Variants in SMARCD3 observed in about 807,000 individuals in gnomAD.
SMARCD3 encodes SWI/SNF-related matrix-associated actin-dependent regulator of chromatin subfamily D member 3.
Under a neutral mutation model 58.0 loss-of-function variants are expected in SMARCD3, and 14 were observed. The observed-to-expected ratio is 0.24, with a 90% CI of 0.16 to 0.38. The LOEUF is 0.38. Ranked by LOEUF, SMARCD3 falls within the 10% of genes least tolerant of loss-of-function variation. The pLI, the probability that SMARCD3 is intolerant of heterozygous loss-of-function variation, is 1.00. For missense variants in SMARCD3, 408 were observed against 636.9 expected, an observed-to-expected ratio of 0.64 and a Z score of 3.87; for synonymous variants, 253 against 253.8, an observed-to-expected ratio of 1.00 and a Z score of 0.03.
chr7:151,253,795 T>C (rs2150603428), intron 2 of SMARCD3, among the ~76,000 whole-genome samples: 2 of 150,990 alleles, frequency 1.3e-5, no homozygotes, highest in South Asian at 4.2e-4. Context: ...TCCTGAGGGG[T>C]GCTATAACTT....
At chr7:151,259,760 C>T (rs1395394050) in intron 2 of SMARCD3, among the ~76,000 whole-genome samples, 1 of 151,906 alleles carries the variant, frequency 6.6e-6, no homozygotes, top group Admixed American at 6.6e-5. Context: ...CAGGCATGCA[C>T]CACCATGCCC....
At chr7:151,271,897 T>G (rs1054341760) in intron 2 of SMARCD3, among the ~76,000 whole-genome samples, 1 of 152,158 alleles carries the variant, frequency 6.6e-6, no homozygotes, top group African/African-American at 2.4e-5. Context: ...AGTTGGAGGC[T>G]GCAGTGAGCC....
rs1803195355 is a variant in SMARCD3, at chr7:151,245,212, AG to A, written c.290+247del. The stretch of plus-strand genomic sequence containing the variant: ...TGAGCAGGTGACAAGGAGAAGGGTG[AG>A]GGGAGCGTGCAGGGAAGCGGTACCG... On this transcript the variant is annotated intron_variant, in intron 2 of 12. Transcript: ENST00000262188. The surrounding 1 kb of genome is among the most constrained non-coding windows in gnomAD (Gnocchi z 6.2). 5.2e-5 allele frequency among the ~76,000 whole-genome samples: 7 copies of A among 135,088 alleles called. No homozygotes were observed. In the South Asian group the frequency reaches 1.8e-3, roughly 34 times the overall value. 88.6% of individuals were successfully genotyped at this position (135,088 alleles called of 152,430 possible).
intron 2 of SMARCD3, among the ~76,000 whole-genome samples, chr7:151,256,235 A>G (rs1461417270): frequency 1.4e-5 from 2 of 143,202 alleles, no homozygotes; most frequent in South Asian, 2.2e-4. Flanking sequence ...AGGTGGCGCG[A>G]TCTCAGCTCA....
intron 2 of SMARCD3, among the ~76,000 whole-genome samples, chr7:151,253,833 G>GC (rs5888436): frequency 1 from 152,277 of 152,278 alleles, 76,138 homozygotes; most frequent in Non-Finnish European, 1. Flanking sequence ...GTGTGGCTCT[G>GC]CTGGCGGGCA....
intron 2 of SMARCD3, among the ~76,000 whole-genome samples, chr7:151,272,544 T>TCCAA (rs1231545427): frequency 6.6e-6 from 1 of 152,174 alleles, no homozygotes; most frequent in Non-Finnish European, 1.5e-5. Flanking sequence ...TGGGAGATGG[T>TCCAA]CCAAGTTTGT....
At chr7:151,255,362 C>T (rs142762787) in intron 2 of SMARCD3, among the ~76,000 whole-genome samples, 4 of 152,320 alleles carry the variant, frequency 2.6e-5, no homozygotes, top group African/African-American at 7.2e-5. Context: ...AGTGGCTCGA[C>T]CACTGGCCTA....
chr7:151,268,301 T>G (rs538393898), intron 2 of SMARCD3, among the ~76,000 whole-genome samples: 1 of 152,336 alleles, frequency 6.6e-6, no homozygotes, highest in East Asian at 1.9e-4. Context: ...ACCAGTCCAT[T>G]TAGAGACAAT....
At chr7:151,269,516 G>A (rs1402209424) in intron 2 of SMARCD3, among the ~76,000 whole-genome samples, 1 of 152,318 alleles carries the variant, frequency 6.6e-6, no homozygotes, top group East Asian at 1.9e-4. Context: ...GCATCAGGCT[G>A]GATGGGAGCT....
Position 151,243,987 on chromosome 7 carries a change from G to A in SMARCD3, c.291-286C>T, listed in dbSNP as rs1803132420. Reference sequence around the variant, plus strand: ...ACAGGAGGGACTGGCTGGTGGGGGCGGTGCTGCCAAAAGATGCGAGCTGCA... The same window carrying A: ...ACAGGAGGGACTGGCTGGTGGGGGCAGTGCTGCCAAAAGATGCGAGCTGCA... On this transcript the variant is annotated intron_variant, in intron 2 of 12. Transcript: ENST00000262188. The surrounding 1 kb of genome is among the most constrained non-coding windows in gnomAD (Gnocchi z 4.4). Among the ~76,000 whole-genome samples the A allele has an allele frequency of 6.6e-6, 1 of 152,188 alleles. No homozygotes were observed.
chr7:151,243,235 C>T lies in SMARCD3; in HGVS notation c.334-392G>A, dbSNP rs1409353058. 2.6e-5 allele frequency among the ~76,000 whole-genome samples: 4 copies of T among 152,194 alleles called. No individual in the cohort carries two copies. Among genetic ancestry groups the T allele is most frequent in the African/African-American group, 9.7e-5 (4 of 41,434 alleles). On this transcript the variant is annotated intron_variant, in intron 3 of 12. Coordinates refer to ENST00000262188, the MANE Select transcript of SMARCD3 (RefSeq NM_001003801.2). This position sits in a 1 kb window ranked among gnomAD's most constrained non-coding sequence, Gnocchi z 4.4. ...CTCAATCCCTGAGACAGTTGGACAG[C>T]GGTGCTTTCTTCTCTGCTGGCACCT...
At chr7:151,264,802 G>A (rs3789821) in intron 2 of SMARCD3, among the ~76,000 whole-genome samples, 49,201 of 152,030 alleles carry the variant, frequency 0.32, 8,223 homozygotes, top group Middle Eastern at 0.43. Context: ...GGCCAGGCCC[G>A]GGACTAGCTG....
Position 151,242,169 on chromosome 7 carries a change from C to A in SMARCD3, c.643G>T (p.Asp215Tyr). Reference protein sequence around the residue: ...FKSLVIELDKDLYGPDNHLVE... With the variant: ...FKSLVIELDKYLYGPDNHLVE... ...AGGTGGTTGTCAGGGCCATAAAGATCTTTGTCCAGCTCGATGACCAAACTC... is the reference window on the plus strand; with the variant it reads ...AGGTGGTTGTCAGGGCCATAAAGATATTTGTCCAGCTCGATGACCAAACTC... The change falls in exon 6 of 13, where the codon GAT becomes TAT. Residue 215 changes from aspartate to tyrosine, a missense_variant. By Grantham distance (160) the Asp-to-Tyr change is radical. This residue lies in a region of SMARCD3 where 115 missense variants were observed against 257.2 expected (regional missense o/e 0.45). Transcript: ENST00000262188. The surrounding 1 kb of genome is among the most constrained non-coding windows in gnomAD (Gnocchi z 4.7). 1 of 1,614,086 alleles carries A rather than the reference C, an allele frequency of 6.2e-7. No homozygotes were observed. The highest frequency in any genetic ancestry group is 8.5e-7 in the Non-Finnish European group (1 of 1,179,950).
intron 2 of SMARCD3, chr7:151,274,989 AG>A: frequency 1.4e-6 from 1 of 737,090 alleles, no homozygotes; most frequent in Non-Finnish European, 2.4e-6. Flanking sequence ...GGCACTAAGG[AG>A]TCCAGCTGGG....
intron 2 of SMARCD3, among the ~76,000 whole-genome samples, chr7:151,271,754 C>T (rs778045534): frequency 1.3e-5 from 2 of 151,968 alleles, no homozygotes; most frequent in Non-Finnish European, 2.9e-5. Flanking sequence ...AATTTGAGAC[C>T]AGCCTAGGAA....
At chr7:151,253,249 C>T (rs1251105556), upstream of SMARCD3, among the ~76,000 whole-genome samples, 2 of 152,042 alleles carry the variant, frequency 1.3e-5, no homozygotes, top group Non-Finnish European at 2.9e-5. Context: ...CTGGTCCCAG[C>T]TCAGCACCCC....
intron 2 of SMARCD3, among the ~76,000 whole-genome samples, chr7:151,264,963 C>T (rs188639820): frequency 8.1e-4 from 123 of 152,312 alleles, no homozygotes; most frequent in Non-Finnish European, 1.3e-3. Context: ...ACCTGTCCCT[C>T]AGGGCGTTGG....
intron 2 of SMARCD3, among the ~76,000 whole-genome samples, chr7:151,272,387 CT>C (rs1045591999): frequency 1.3e-5 from 2 of 152,178 alleles, no homozygotes; most frequent in Non-Finnish European, 2.9e-5. Flanking sequence ...CTATATGTAT[CT>C]TTGCAAACTA....
rs1563650051 is a variant in SMARCD3, at chr7:151,242,099, G to GAATT, written c.675+37_675+38insAATT. On this transcript the variant is annotated intron_variant, in intron 6 of 12. Coordinates refer to ENST00000262188, the MANE Select transcript of SMARCD3 (RefSeq NM_001003801.2). The surrounding 1 kb of genome is among the most constrained non-coding windows in gnomAD (Gnocchi z 4.7). ...TCTTCAGGGATTCTGGCCTGTGGGA[G>GAATT]GGTGGCAATTCAAGGGCGGAGGGGC... The GAATT allele has an allele frequency of 6.4e-7, 1 of 1,555,592 alleles. No homozygotes were observed. The highest frequency in any genetic ancestry group is 1.7e-5 in the Admixed American group (1 of 59,894).
Sources: allele counts gnomAD v4.1 joint callset (sites outside exome capture counted in the v4.1 genomes callset), GRCh38; gene constraint gnomAD v4.1.1; regional missense constraint gnomAD v4.1.1; non-coding constraint Gnocchi (gnomAD v3.1); transcripts MANE v1.5; gene names NCBI Gene and HGNC (gene_info 2026-07-23, HGNC 2026-07-21).